ZNF787: variants seen among roughly 807,000 people sequenced by gnomAD.
ZNF787 encodes zinc finger protein 787.
Under a neutral mutation model 16.9 loss-of-function variants are expected in ZNF787, and 7 were observed. The observed-to-expected ratio is 0.42, with a 90% confidence interval of 0.24 to 0.78. The LOEUF (loss-of-function observed/expected upper bound fraction) is 0.78. Among genes scored for constraint, ZNF787 ranks in the 30% least tolerant of loss-of-function variants. The pLI is 0.30. For synonymous variants in ZNF787, 345 were observed against 270.9 expected (o/e 1.27, Z -2.69); for missense variants, 551 against 589.3 (o/e 0.94, Z 0.67).
intron 1 of ZNF787, among the ~76,000 whole-genome samples, 199 bp downstream of exon 1, chr19:56,120,973 T>G (rs2030278880): frequency 7.7e-6 from 1 of 129,068 alleles, no homozygotes; most frequent in Admixed American, 7.5e-5. Flanking sequence ...CCACAGCTCT[T>G]CGGCGCGCAC....
At chr19:56,120,792 G>A (rs2123438334) in intron 1 of ZNF787, among the ~76,000 whole-genome samples, 1 of 151,120 alleles carries the variant, frequency 6.6e-6, no homozygotes, top group East Asian at 2.0e-4. Flanking sequence ...AACTTCGGGG[G>A]GACGGACAGC....
At chr19:56,105,148 A>C (rs1251089125) in intron 1 of ZNF787, among the ~76,000 whole-genome samples, 1 of 150,990 alleles carries the variant, frequency 6.6e-6, no homozygotes, top group Non-Finnish European at 1.5e-5. Flanking sequence ...AAAATAAAAT[A>C]AATAAATAAT....
At chr19:56,115,776 G>C (rs1390462666) in intron 1 of ZNF787, among the ~76,000 whole-genome samples, 4 of 152,194 alleles carry the variant, frequency 2.6e-5, no homozygotes, top group Non-Finnish European at 4.4e-5. Context: ...GGGCGAGAGA[G>C]AGGGACTTCA....
At chr19:56,089,249 A>G (rs1180774134) in intron 2 of ZNF787, among the ~76,000 whole-genome samples, 157 bp from the exon 3 acceptor site, 2 of 151,934 alleles carry the variant, frequency 1.3e-5, no homozygotes, top group Non-Finnish European at 2.9e-5. Context: ...TTTACTAAGT[A>G]TTTATTACCC....
At chr19:56,100,457 A>G (rs1412248874) in intron 2 of ZNF787, among the ~76,000 whole-genome samples, 1 of 151,962 alleles carries the variant, frequency 6.6e-6, no homozygotes, top group Non-Finnish European at 1.5e-5. Context: ...CTAATTCCGC[A>G]GAAGAGGCTG....
At position 56,121,272 on chromosome 19, in the gene ZNF787, G is replaced by A. The variant is rs1332931447; in HGVS notation, c.-111C>T. 2 of 150,898 alleles carry A rather than the reference G, an allele frequency of 1.3e-5. No individual in the cohort carries two copies. The highest frequency in any genetic ancestry group is 4.9e-5 in the African/African-American group (2 of 40,950). The allele number at this position is 150,898 out of a possible 1,614,324, so 9.3% of individuals were successfully genotyped here. On this transcript the variant is annotated 5_prime_UTR_variant, in exon 1 of 3. Coordinates refer to ENST00000610935, the MANE Select transcript of ZNF787 (RefSeq NM_001002836.4). ...CGGCGACTCAGACCCTGGGGTCAGG[G>A]GGACGGGCGCCCAGGCCGGAAGTGA...
chr19:56,100,936 G>A (rs545766313), intron 2 of ZNF787, among the ~76,000 whole-genome samples: 2 of 138,494 alleles, frequency 1.4e-5, no homozygotes, highest in Admixed American at 7.5e-5. Context: ...CCCCACGAAC[G>A]ATGTCTGTCA....
At chr19:56,092,028 GC>G (rs1342119925) in intron 2 of ZNF787, among the ~76,000 whole-genome samples, 2 of 142,492 alleles carry the variant, frequency 1.4e-5, no homozygotes, top group Non-Finnish European at 3.0e-5. Flanking sequence ...CGAAGCCGAA[GC>G]CGAAGCCGAA....
At chr19:56,119,454 C>G (rs1283614894) in intron 1 of ZNF787, among the ~76,000 whole-genome samples, 1 of 152,244 alleles carries the variant, frequency 6.6e-6, no homozygotes, top group East Asian at 1.9e-4. Context: ...TTTCCATTTA[C>G]TTTACACCCA....
At chr19:56,090,640 G>A (rs1294507544) in intron 2 of ZNF787, among the ~76,000 whole-genome samples, 1 of 152,192 alleles carries the variant, frequency 6.6e-6, no homozygotes, top group East Asian at 1.9e-4. Context: ...TGGCCAACAT[G>A]GCAAAACCCC....
At chr19:56,095,612 T>G (rs984624020) in intron 2 of ZNF787, among the ~76,000 whole-genome samples, 1 of 152,206 alleles carries the variant, frequency 6.6e-6, no homozygotes, top group Non-Finnish European at 1.5e-5. Flanking sequence ...GACCTTCTCC[T>G]GCCTTCCTCT....
chr19:56,100,958 G>A (rs1433334862), intron 2 of ZNF787, among the ~76,000 whole-genome samples: 1 of 142,486 alleles, frequency 7.0e-6, no homozygotes, highest in Non-Finnish European at 1.5e-5. Context: ...TGTCACATAG[G>A]AGGGACGCAC....
In ZNF787 at chr19:56,087,733, C is replaced by T. The variant is rs879887346; in HGVS notation, c.*290G>A. ...TGGCCTTCCGCTTGGGGCCTGGTCG[C>T]CACTCGGCCTCTGCAGTTCTCTCCA... is the stretch of plus-strand genomic sequence containing the variant. On this transcript the variant is annotated 3_prime_UTR_variant, in exon 3 of 3. Transcript: ENST00000610935. 4 of 303,230 alleles carry T rather than the reference C, an allele frequency of 1.3e-5. No homozygotes were observed. Among genetic ancestry groups the T allele is most frequent in the East Asian group, 1.4e-4 (2 of 14,488 alleles). 18.8% of individuals were successfully genotyped at this position (303,230 alleles called of 1,614,324 possible).
Position 56,088,028 on chromosome 19 carries a change from G to A in ZNF787, c.1144C>T (p.Arg382Trp), listed in dbSNP as rs1348399552. Residue 382 changes from arginine (R) to tryptophan (W), a missense_variant, in exon 3 of 3, where the codon CGG (arginine) becomes TGG (tryptophan). Coordinates refer to ENST00000610935, the MANE Select transcript of ZNF787 (RefSeq NM_001002836.4). The surrounding 1 kb of genome is among the most constrained non-coding windows in gnomAD (Gnocchi z 8.6). The stretch of plus-strand genomic sequence containing the variant: ...CCCCCCCCCGGGCCCCTCCCCTACC[G>A]GCCCTCCCCACCGCGGCACTCGGGG... The part of the protein sequence containing the change: ...RCPECRGGEG[R>W] 1.4e-5 allele frequency: 15 copies of A among 1,106,798 alleles called. No homozygotes were observed. Among genetic ancestry groups the A allele is most frequent in the Non-Finnish European group, 1.6e-5 (15 of 928,842 alleles). 68.6% of individuals were successfully genotyped at this position (1,106,798 alleles called of 1,614,324 possible).
intron 1 of ZNF787, among the ~76,000 whole-genome samples, chr19:56,106,835 G>GT (rs1555777169): frequency 6.9e-4 from 105 of 152,034 alleles, no homozygotes; most frequent in African/African-American, 2.2e-3. Context: ...AGACCAGCAC[G>GT]CGGAACAGTG....
intron 1 of ZNF787, among the ~76,000 whole-genome samples, chr19:56,117,421 C>G (rs2030169486): frequency 6.6e-6 from 1 of 151,740 alleles, no homozygotes; most frequent in Admixed American, 6.6e-5. Context: ...CTTCCACAAG[C>G]GGAGTGGCTA....
chr19:56,095,100 C>T (rs1238596681), intron 2 of ZNF787, among the ~76,000 whole-genome samples: 1 of 152,132 alleles, frequency 6.6e-6, no homozygotes, highest in African/African-American at 2.4e-5. Context: ...AGTGATAGAG[C>T]GAGACTCCAT....
Position 56,101,145 on chromosome 19 carries a change from G to A in ZNF787, c.79+1994C>T, listed in dbSNP as rs142394207. Among the ~76,000 whole-genome samples the A allele has an allele frequency of 5.3e-3, 793 of 149,228 alleles. 7 individuals carry two copies. Among genetic ancestry groups the A allele is most frequent in the African/African-American group, 0.018 (738 of 40,566 alleles). ...TCACATAGGAGGGACGCATGTAGGC[G>A]GGACTCCACACGCCATGGCCAGGCC... On this transcript the variant is annotated intron_variant, in intron 2 of 2. Coordinates refer to ENST00000610935, the MANE Select transcript of ZNF787 (RefSeq NM_001002836.4).
chr19:56,101,227 G>A (rs570580326), intron 2 of ZNF787, among the ~76,000 whole-genome samples: 6 of 152,252 alleles, frequency 3.9e-5, no homozygotes, highest in African/African-American at 1.4e-4. Flanking sequence ...TAGGGGGGAC[G>A]CATGTAGGCG....
Sources: gnomAD v4.1 joint callset for allele counts (sites outside exome capture counted in the v4.1 genomes callset) on GRCh38, gnomAD v4.1.1 for gene constraint, Gnocchi (gnomAD v3.1) non-coding constraint, MANE v1.5 for transcripts, NCBI Gene and HGNC (gene_info 2026-07-23, HGNC 2026-07-21) for gene names.